Variants in COMMD10 observed in about 807,000 individuals in gnomAD.
COMMD10 encodes COMM domain containing 10, also known as COMM domain-containing protein 10.
A neutral mutation model predicts 28.9 loss-of-function variants in COMMD10; 33 were observed. The ratio of observed to expected loss-of-function variants is 1.14; its 90% CI spans 0.87 to 1.53. The LOEUF (loss-of-function observed/expected upper bound fraction) is 1.53. Among genes scored for constraint, COMMD10 ranks in the 40% most tolerant of loss-of-function variants. COMMD10 has a pLI of 0.00. For synonymous variants in COMMD10, 110 were observed against 81.7 expected, an observed-to-expected ratio of 1.35 and a Z score of -1.87; for missense variants, 310 against 233.4, an observed-to-expected ratio of 1.33 and a Z score of -2.14.
intron 5 of COMMD10, among the ~76,000 whole-genome samples, chr5:116,145,821 C>T (rs1289537323): frequency 5.3e-5 from 8 of 151,880 alleles, no homozygotes; most frequent in Admixed American, 5.3e-4. Flanking sequence ...TCCTTCCTGC[C>T]AACTTAAGAA....
chr5:116,087,363 C>A, intron 1 of COMMD10, 134 bp from the exon 2 acceptor site: 1 of 593,672 alleles, frequency 1.7e-6, no homozygotes. Context: ...TGCTGGCTGT[C>A]ATCTGTTTTT....
intron 4 of COMMD10, among the ~76,000 whole-genome samples, chr5:116,108,588 C>T (rs1041320751): frequency 8.5e-5 from 13 of 152,212 alleles, no homozygotes; most frequent in African/African-American, 2.9e-4. Context: ...GTGCTAGCAG[C>T]GAGAATTTCA....
chr5:116,118,186 T>C (rs1751305122), intron 4 of COMMD10, among the ~76,000 whole-genome samples: 1 of 152,244 alleles, frequency 6.6e-6, no homozygotes, highest in Non-Finnish European at 1.5e-5. Context: ...ATGTCACATT[T>C]GTCAGTGAAT....
chr5:116,265,540 A>G (rs1173550723), intron 5 of COMMD10, among the ~76,000 whole-genome samples: 1 of 151,574 alleles, frequency 6.6e-6, no homozygotes, highest in Non-Finnish European at 1.5e-5. Flanking sequence ...ACCATTTTCC[A>G]TACGGCTTTA....
intron 5 of COMMD10, among the ~76,000 whole-genome samples, chr5:116,148,478 C>G (rs1428531507): frequency 6.6e-6 from 1 of 151,824 alleles, no homozygotes; most frequent in African/African-American, 2.4e-5. Context: ...GCTGCTACCT[C>G]CTTGGTGAGA....
At chr5:116,185,552 G>A (rs1580530974) in intron 5 of COMMD10, among the ~76,000 whole-genome samples, 1 of 149,108 alleles carries the variant, frequency 6.7e-6, no homozygotes, top group East Asian at 2.1e-4. Context: ...ATGGGTGGGA[G>A]TTAGGGTGGG....
Position 116,206,405 on chromosome 5 carries a change from C to G in COMMD10, c.510+72227C>G, listed in dbSNP as rs140679510. 5.7e-3 allele frequency among the ~76,000 whole-genome samples: 874 copies of G among 152,248 alleles called. 7 individuals carry two copies. Among genetic ancestry groups the G allele is most frequent in the African/African-American group, 0.02 (833 of 41,556 alleles). On this transcript the variant is annotated intron_variant, in intron 5 of 6. Transcript: ENST00000274458. ...GTGGCTCATGCTTGTAATCCCAGCA[C>G]TTTGGGAGGCCAAGGTGGGCAGATC... is the stretch of plus-strand genomic sequence containing the variant.
In COMMD10 at chr5:116,264,809, G is replaced by A. The variant is rs926231772; in HGVS notation, c.511-26708G>A. ...TAGATGTCATGTAAATGCAAAGTAC[G>A]GTCAGTTCTTTTAGCCTAAGACATT... On this transcript the variant is annotated intron_variant, in intron 5 of 6. Coordinates refer to ENST00000274458, the MANE Select transcript of COMMD10 (RefSeq NM_016144.4). Among the ~76,000 whole-genome samples the A allele has an allele frequency of 4.6e-5, 7 of 151,686 alleles. 1 individual carries two copies. The highest frequency in any genetic ancestry group is 1.3e-4 in the Admixed American group (2 of 15,212).
At chr5:116,171,829 G>A (rs939874717) in intron 5 of COMMD10, among the ~76,000 whole-genome samples, 4 of 149,996 alleles carry the variant, frequency 2.7e-5, no homozygotes, top group Non-Finnish European at 4.4e-5. Flanking sequence ...GGCCTGTCAC[G>A]GGTGTGGGGC....
At chr5:116,159,642 A>G (rs1752853369) in intron 5 of COMMD10, among the ~76,000 whole-genome samples, 1 of 152,232 alleles carries the variant, frequency 6.6e-6, no homozygotes, top group East Asian at 1.9e-4. Context: ...CCCAAACACT[A>G]GATGCTTGTA....
chr5:116,254,049 T>C (rs972633193), intron 5 of COMMD10, among the ~76,000 whole-genome samples: 76 of 152,330 alleles, frequency 5.0e-4, no homozygotes, highest in African/African-American at 1.6e-3. Flanking sequence ...TCAAGGACTT[T>C]ATCCATTTCT....
At chr5:116,138,078 A>C (rs1320651449) in intron 5 of COMMD10, among the ~76,000 whole-genome samples, 1 of 151,930 alleles carries the variant, frequency 6.6e-6, no homozygotes, top group Non-Finnish European at 1.5e-5. Context: ...GTTGAAGGAA[A>C]TGCTAAGTGT....
intron 5 of COMMD10, among the ~76,000 whole-genome samples, chr5:116,286,895 T>TCTTGTTTC (rs1751232981): frequency 6.6e-6 from 1 of 151,830 alleles, no homozygotes; most frequent in African/African-American, 2.4e-5. Flanking sequence ...GTTATTCAAA[T>TCTTGTTTC]CTTGTTTCCT....
chr5:116,213,159 AAC>A (rs1020019332), intron 5 of COMMD10, among the ~76,000 whole-genome samples: 10 of 152,102 alleles, frequency 6.6e-5, no homozygotes, highest in African/African-American at 1.9e-4. Flanking sequence ...GGTATGAAAA[AAC>A]AGTCTTCCCT....
intron 5 of COMMD10, among the ~76,000 whole-genome samples, chr5:116,258,650 G>A (rs1750356268): frequency 6.6e-6 from 1 of 151,516 alleles, no homozygotes; most frequent in South Asian, 2.1e-4. Flanking sequence ...TTCTGATATT[G>A]CTAAAAAGAT....
chr5:116,149,894 C>A (rs1250340961), intron 5 of COMMD10, among the ~76,000 whole-genome samples: 1 of 151,432 alleles, frequency 6.6e-6, no homozygotes, highest in Non-Finnish European at 1.5e-5. Flanking sequence ...TCTTTTGTTG[C>A]CATTGCTTTT....
At chr5:116,117,818 G>A (rs72804822) in intron 4 of COMMD10, among the ~76,000 whole-genome samples, 26 of 152,218 alleles carry the variant, frequency 1.7e-4, no homozygotes, top group Non-Finnish European at 3.5e-4. Context: ...AAAACGTTTT[G>A]TATAGAGATT....
chr5:116,207,238 G>A (rs1748836266), intron 5 of COMMD10, among the ~76,000 whole-genome samples: 1 of 152,098 alleles, frequency 6.6e-6, no homozygotes, highest in African/African-American at 2.4e-5. Context: ...ATTTTTAGGA[G>A]TTATAAATGT....
chr5:116,256,255 T>C (rs1240976798), intron 5 of COMMD10, among the ~76,000 whole-genome samples: 1 of 151,734 alleles, frequency 6.6e-6, no homozygotes, highest in Non-Finnish European at 1.5e-5. Context: ...GGACAGATCT[T>C]GAAGACTAGT....
Sources: allele counts gnomAD v4.1 joint callset (sites outside exome capture counted in the v4.1 genomes callset), GRCh38; gene constraint gnomAD v4.1.1; transcripts MANE v1.5; gene names NCBI Gene and HGNC (gene_info 2026-07-23, HGNC 2026-07-21).